The following ARHGEF33 variants were observed in gnomAD, a reference collection of about 807,000 sequenced individuals.
The protein encoded by ARHGEF33 is Rho guanine nucleotide exchange factor 33, also known as DH and coiled-coil domain-containing protein ENSP00000381780.
A neutral mutation model predicts 101.9 loss-of-function variants in ARHGEF33; 72 were observed. The observed-to-expected ratio is 0.71, with a 90% CI of 0.58 to 0.86. ARHGEF33 has a LOEUF of 0.86. ARHGEF33 is among the 40% of genes least tolerant of loss of function. The probability of loss-of-function intolerance (pLI) is 0.00; values close to 1 mark genes in which losing one functional copy is unlikely to be tolerated. For missense variants in ARHGEF33, 1,169 were observed against 1,111.3 expected (o/e 1.05, Z -0.74); for synonymous variants, 499 against 442.5 (o/e 1.13, Z -1.60).
At chr2:38,935,113 T>C (rs936713483) in intron 7 of ARHGEF33, among the ~76,000 whole-genome samples, 6 of 151,454 alleles carry the variant, frequency 4.0e-5, no homozygotes, top group African/African-American at 1.5e-4. Flanking sequence ...TGTATGATCA[T>C]TATAAGGGCT....
rs138715284 is a variant in ARHGEF33 at position 38,893,263 on chromosome 2, A to G, written c.-158-2514A>G. Among the ~76,000 whole-genome samples, 448 of 151,924 alleles carry G rather than the reference A, an allele frequency of 2.9e-3. 4 individuals are homozygous for G. The highest frequency in any genetic ancestry group is 0.01 in the Middle Eastern group (3 of 294). ...CTGCAACCTCTGCCTCCTGGGTTCA[A>G]GCAATTCTCCTGCCTCAGCCTCCTG... On this transcript the variant is annotated intron_variant, in intron 1 of 17. Transcript: ENST00000409978.
rs1284496071 is a variant in ARHGEF33 at position 38,959,949 on chromosome 2, G to A, written c.1644G>A (p.Arg548=). The A allele has an allele frequency of 9.0e-6, 14 of 1,551,402 alleles. No homozygotes were observed. Among genetic ancestry groups the A allele is most frequent in the Middle Eastern group, 3.3e-4 (2 of 6,008 alleles). The change falls in exon 16 of 18, where the codon CGG becomes CGA. Residue 548 remains arginine, a synonymous_variant. Coordinates refer to ENST00000409978, the MANE Select transcript of ARHGEF33 (RefSeq NM_001145451.5). The stretch of plus-strand genomic sequence containing the variant: ...AGCTGGAGGGCAGGAAGCACGAGCG[G>A]CCCGAGAGCCTTCTGGCACCGACGC... ...DWELEGRKHE[R]PESLLAPTQF...
chr2:38,934,741 A>G (rs1302757109), intron 7 of ARHGEF33, among the ~76,000 whole-genome samples: 1 of 151,116 alleles, frequency 6.6e-6, no homozygotes, highest in Non-Finnish European at 1.5e-5. Flanking sequence ...AAAACAACAA[A>G]AATTCCAGCC....
At chr2:38,917,440 T>C (rs1291452615) in intron 2 of ARHGEF33, among the ~76,000 whole-genome samples, 1 of 152,154 alleles carries the variant, frequency 6.6e-6, no homozygotes, top group East Asian at 1.9e-4. Context: ...TTATGTAAGA[T>C]AACCCAATTA....
intron 2 of ARHGEF33, among the ~76,000 whole-genome samples, chr2:38,907,675 C>T (rs906773836): frequency 6.6e-6 from 1 of 152,188 alleles, no homozygotes; most frequent in Non-Finnish European, 1.5e-5. Flanking sequence ...GGAGTTGTCT[C>T]TGGAGCTCAG....
At chr2:38,937,609 C>A in intron 9 of ARHGEF33, 50 bp downstream of exon 9, 2 of 1,111,858 alleles carry the variant, frequency 1.8e-6, no homozygotes, top group Non-Finnish European at 2.6e-6. Context: ...ACAGGATGTA[C>A]CAGAGCTTTG....
chr2:38,920,195 A>T (rs1666723801), intron 3 of ARHGEF33, among the ~76,000 whole-genome samples: 1 of 152,146 alleles, frequency 6.6e-6, no homozygotes, highest in Admixed American at 6.5e-5. Flanking sequence ...AAATGTTTGC[A>T]ACCAGGGGCT....
At chr2:38,911,065 A>G (rs1195526390) in intron 2 of ARHGEF33, among the ~76,000 whole-genome samples, 1 of 152,228 alleles carries the variant, frequency 6.6e-6, no homozygotes, top group East Asian at 1.9e-4. Flanking sequence ...GAGATAACAT[A>G]CATGAGAGTG....
chr2:38,953,837 C>T (rs1238680223), intron 12 of ARHGEF33, among the ~76,000 whole-genome samples: 5 of 152,236 alleles, frequency 3.3e-5, no homozygotes, highest in African/African-American at 1.2e-4. Flanking sequence ...CTACTCCCAA[C>T]CCAGTATAAT....
intron 2 of ARHGEF33, among the ~76,000 whole-genome samples, chr2:38,914,591 C>A (rs188616039): frequency 1.3e-5 from 2 of 150,578 alleles, no homozygotes. Flanking sequence ...AGTTTGAAAC[C>A]GGGAGGCGGA....
chr2:38,960,725 C>A, intron 16 of ARHGEF33, 77 bp downstream of exon 16: 2 of 1,153,588 alleles, frequency 1.7e-6, no homozygotes, highest in South Asian at 1.8e-5. Flanking sequence ...CCGAGTTCTC[C>A]TAGCGTGGAG....
chr2:38,954,427 C>T lies in ARHGEF33; in HGVS notation c.1192C>T (p.Arg398Cys), dbSNP rs2124416771. The stretch of plus-strand genomic sequence containing the variant: ...CACGTTGTTTTTTCACATAGTCCAG[C>T]GCATCCCTGAATATCTGATACATCT... ...IYTLFFHIVQRIPEYLIHLQN... is the reference protein window; with the variant it reads ...IYTLFFHIVQCIPEYLIHLQN... Residue 398 changes from arginine (R) to cysteine (C), a missense_variant, in exon 13 of 18, where the codon CGC becomes TGC. By Grantham distance (180) the Arg-to-Cys change is radical. Transcript: ENST00000409978. The T allele has an allele frequency of 6.4e-7, 1 of 1,550,686 alleles. No individual in the cohort carries two copies. The highest frequency in any genetic ancestry group is 8.7e-7 in the Non-Finnish European group (1 of 1,146,134).
Position 38,960,366 on chromosome 2 carries a change from C to T in ARHGEF33, c.2061C>T (p.Ser687=), listed in dbSNP as rs1335266048. ...GCGCTACGTCGCCGGCGGGCAGCAG[C>T]AGCGCCTACAAACTGGAGGCGGCGG... ...PKSATSPAGS[S]SAYKLEAAAQ... Residue 687 remains serine, a synonymous_variant, in exon 16 of 18, where the codon AGC becomes AGT. Coordinates refer to ENST00000409978, the MANE Select transcript of ARHGEF33 (RefSeq NM_001145451.5). 1.6e-5 allele frequency: 25 copies of T among 1,525,654 alleles called. No homozygotes were observed. The highest frequency in any genetic ancestry group is 6.0e-5 in the Admixed American group (3 of 49,708). The allele number at this position is 1,525,654 out of a possible 1,614,324, so 94.5% of individuals were successfully genotyped here. A position where few individuals can be genotyped will look rare whatever the true frequency, so the allele number is the denominator to read the frequency against.
At chr2:38,944,101 C>G in intron 10 of ARHGEF33, 71 bp downstream of exon 10, 2 of 1,465,042 alleles carry the variant, frequency 1.4e-6, no homozygotes, top group East Asian at 2.5e-5. Flanking sequence ...ATTGTTTCCA[C>G]TTTGGGATTT....
Position 38,921,411 on chromosome 2 carries a change from G to A in ARHGEF33, c.63G>A (p.Thr21=), listed in dbSNP as rs891405765. ...ATATGCCGGTGAATAATCCTTCCAC[G>A]CAGATTTACCAGGTAAAGACAAATC... ...NEHMPVNNPS[T]QIYQLQALAS... The change falls in exon 4 of 18, where the codon ACG becomes ACA. Residue 21 remains threonine, a synonymous_variant. Transcript: ENST00000409978. 29 of 1,544,608 alleles carry A rather than the reference G, an allele frequency of 1.9e-5. No homozygotes were observed. The highest frequency in any genetic ancestry group is 9.8e-5 in the East Asian group (4 of 40,894).
At chr2:38,911,025 C>T (rs1666497592) in intron 2 of ARHGEF33, among the ~76,000 whole-genome samples, 1 of 152,034 alleles carries the variant, frequency 6.6e-6, no homozygotes, top group South Asian at 2.1e-4. Flanking sequence ...GTGTTTGGCC[C>T]ACTGCACAGC....
At chr2:38,900,965 T>C (rs1666225739) in intron 2 of ARHGEF33, among the ~76,000 whole-genome samples, 1 of 152,034 alleles carries the variant, frequency 6.6e-6, no homozygotes, top group African/African-American at 2.4e-5. Flanking sequence ...TCACACTGGC[T>C]ACACTGCTCA....
chr2:38,936,036 G>A lies in ARHGEF33; in HGVS notation c.565+202G>A, dbSNP rs76593331. ...TGAACCAAGGAGAGAGAAGGGCTAG[G>A]GAAGCTTAAGACAAAACCAGTATGT... On this transcript the variant is annotated intron_variant, in intron 8 of 17. Transcript: ENST00000409978. Among the ~76,000 whole-genome samples the A allele has an allele frequency of 6.4e-3, 978 of 152,272 alleles. 25 individuals carry two copies. The East Asian group carries it at 0.065, about 10-fold the overall frequency.
intron 10 of ARHGEF33, among the ~76,000 whole-genome samples, chr2:38,946,063 C>G (rs1667442852): frequency 6.6e-6 from 1 of 152,212 alleles, no homozygotes; most frequent in Non-Finnish European, 1.5e-5. Context: ...TTTCAAAATT[C>G]AGTCTTCCCT....
Sources: allele counts gnomAD v4.1 joint callset (sites outside exome capture counted in the v4.1 genomes callset), GRCh38; gene constraint gnomAD v4.1.1; transcripts MANE v1.5; gene names NCBI Gene and HGNC (gene_info 2026-07-23, HGNC 2026-07-21).